Variants in UMAD1 observed in about 807,000 individuals in gnomAD.
UMAD1 encodes UBAP1-MVB12-associated (UMA)-domain containing protein 1.
UMAD1 carries 8 observed loss-of-function variants against 6.1 expected under a neutral mutation model. That is an observed-to-expected ratio of 1.30 (90% confidence interval 0.76 to 2.35). The LOEUF is 2.35. Ranked by LOEUF, UMAD1 falls within the 30% of genes most tolerant of loss-of-function variation. The pLI, the probability that UMAD1 is intolerant of heterozygous loss-of-function variation, is 0.00. For synonymous variants in UMAD1, 56 were observed against 31.4 expected (o/e 1.78, Z -2.61); for missense variants, 130 against 78.4 (o/e 1.66, Z -2.49).
intron 3 of UMAD1, among the ~76,000 whole-genome samples, chr7:7,839,136 C>T (rs1020783989): frequency 4.6e-5 from 7 of 152,062 alleles, no homozygotes; most frequent in African/African-American, 1.7e-4. Context: ...TATAGTATCT[C>T]GTCATTGTTT....
At chr7:7,762,553 T>C (rs1417138672) in intron 2 of UMAD1, among the ~76,000 whole-genome samples, 1 of 152,170 alleles carries the variant, frequency 6.6e-6, no homozygotes, top group African/African-American at 2.4e-5. Context: ...CAAATTGCTA[T>C]GGGATGCCTC....
chr7:7,664,019 C>T (rs1779368477), intron 1 of UMAD1, among the ~76,000 whole-genome samples: 1 of 152,162 alleles, frequency 6.6e-6, no homozygotes, highest in African/African-American at 2.4e-5. Flanking sequence ...AACACTTTGC[C>T]ACCTGAAGGC....
rs1303444266 is a variant in UMAD1 at position 7,879,195 on chromosome 7, A to T, written c.*1657A>T. On this transcript the variant is annotated 3_prime_UTR_variant, in exon 4 of 4. Transcript: ENST00000682710. ...TTAAATAAATGTGAATTAAAATAAA[A>T]TTTTTGATTATTTTCAGATCCAGAA... 2 of 152,188 alleles carry T rather than the reference A, an allele frequency of 1.3e-5. No individual in the cohort carries two copies. Among genetic ancestry groups the T allele is most frequent in the African/African-American group, 4.8e-5 (2 of 41,452 alleles). The allele number at this position is 152,188 out of a possible 1,614,324, so 9.4% of individuals were successfully genotyped here.
At chr7:7,800,118 A>T (rs979126969) in intron 2 of UMAD1, among the ~76,000 whole-genome samples, 1 of 152,194 alleles carries the variant, frequency 6.6e-6, no homozygotes, top group South Asian at 2.1e-4. Context: ...CCTGACCTCA[A>T]GTGATCCACC....
chr7:7,744,527 A>G lies in UMAD1; in HGVS notation c.83-57143A>G, dbSNP rs981096677. On this transcript the variant is annotated intron_variant, in intron 2 of 3. Transcript: ENST00000682710. ...TTTTCAAAGGGATTTGCTCCATTTC[A>G]TAGTCCCAACCAGCTGTGTACAAGG... 2.0e-5 allele frequency among the ~76,000 whole-genome samples: 3 copies of G among 151,698 alleles called. No individual in the cohort carries two copies. In the East Asian group the frequency reaches 5.8e-4, roughly 29 times the overall value.
intron 3 of UMAD1, among the ~76,000 whole-genome samples, chr7:7,841,654 T>G (rs985202016): frequency 7.2e-5 from 11 of 152,212 alleles, no homozygotes; most frequent in African/African-American, 2.7e-4. Context: ...TATTTTAATA[T>G]ACATTCACTG....
At chr7:7,849,180 A>G (rs1783867016) in intron 3 of UMAD1, among the ~76,000 whole-genome samples, 2 of 152,172 alleles carry the variant, frequency 1.3e-5, no homozygotes, top group African/African-American at 4.8e-5. Flanking sequence ...TATCTCATTC[A>G]ATCCTCACAT....
intron 2 of UMAD1, among the ~76,000 whole-genome samples, chr7:7,763,226 C>T (rs1251945596): frequency 1.3e-5 from 2 of 152,066 alleles, no homozygotes; most frequent in African/African-American, 4.8e-5. Flanking sequence ...AAGCCAATGA[C>T]ATTTTAAAAT....
At chr7:7,814,086 C>T (rs144957228) in intron 3 of UMAD1, among the ~76,000 whole-genome samples, 3,374 of 152,146 alleles carry the variant, frequency 0.022, 46 homozygotes, top group Non-Finnish European at 0.032. Flanking sequence ...CAGGTTCAAG[C>T]GATTCTCCTG....
At chr7:7,862,921 T>A (rs1049281877) in intron 3 of UMAD1, among the ~76,000 whole-genome samples, 2 of 152,124 alleles carry the variant, frequency 1.3e-5, no homozygotes, top group African/African-American at 4.8e-5. Flanking sequence ...CTTAGACTCA[T>A]AAAGAAAATT....
chr7:7,690,505 C>G (rs1196062279), intron 2 of UMAD1, among the ~76,000 whole-genome samples: 2 of 151,916 alleles, frequency 1.3e-5, no homozygotes, highest in African/African-American at 4.8e-5. Context: ...TAAATGTTTA[C>G]TTTTTTATTA....
chr7:7,840,389 C>A (rs894145031), intron 3 of UMAD1, among the ~76,000 whole-genome samples: 2 of 152,104 alleles, frequency 1.3e-5, no homozygotes, highest in Non-Finnish European at 2.9e-5. Flanking sequence ...GGCCCCACCC[C>A]AGACCAATTA....
At chr7:7,768,359 A>C (rs1380755126) in intron 2 of UMAD1, among the ~76,000 whole-genome samples, 2 of 152,152 alleles carry the variant, frequency 1.3e-5, no homozygotes, top group Non-Finnish European at 2.9e-5. Flanking sequence ...GCAGTCTAAC[A>C]GAAGGTTATT....
At chr7:7,718,257 T>A (rs1402851906) in intron 2 of UMAD1, among the ~76,000 whole-genome samples, 3 of 152,230 alleles carry the variant, frequency 2.0e-5, no homozygotes, top group African/African-American at 7.2e-5. Context: ...AATATACTTA[T>A]GTGAATTTCT....
chr7:7,693,066 C>T (rs567975755), intron 2 of UMAD1, among the ~76,000 whole-genome samples: 6 of 152,204 alleles, frequency 3.9e-5, no homozygotes, highest in Middle Eastern at 3.4e-3. Flanking sequence ...ATATCTACTT[C>T]ATTATTCTGT....
intron 2 of UMAD1, among the ~76,000 whole-genome samples, chr7:7,678,233 T>A (rs1301868593): frequency 6.8e-6 from 1 of 146,606 alleles, no homozygotes; most frequent in Admixed American, 7.1e-5. Context: ...TTTCTACACA[T>A]CCTTGCCAGC....
At chr7:7,863,098 G>A (rs1277344046) in intron 3 of UMAD1, among the ~76,000 whole-genome samples, 1 of 152,058 alleles carries the variant, frequency 6.6e-6, no homozygotes, top group East Asian at 1.9e-4. Context: ...ACATTGTTAC[G>A]ATCTGGACAC....
chr7:7,669,015 C>T (rs1583714036), intron 1 of UMAD1, among the ~76,000 whole-genome samples: 1 of 151,796 alleles, frequency 6.6e-6, no homozygotes. Flanking sequence ...GGGGAGAAAA[C>T]CCACACAGAC....
At chr7:7,816,549 G>A (rs1783130461) in intron 3 of UMAD1, among the ~76,000 whole-genome samples, 1 of 152,224 alleles carries the variant, frequency 6.6e-6, no homozygotes, top group South Asian at 2.1e-4. Context: ...ACCAGTGTCG[G>A]TAGCATTCAA....
Sources: gnomAD v4.1 joint callset for allele counts (sites outside exome capture counted in the v4.1 genomes callset) on GRCh38, gnomAD v4.1.1 for gene constraint, MANE v1.5 for transcripts, NCBI Gene and HGNC (gene_info 2026-07-23, HGNC 2026-07-21) for gene names.